CNTNAP2: variants seen among roughly 807,000 people sequenced by gnomAD.
CNTNAP2 encodes the protein contactin-associated protein-like 2.
In CNTNAP2, 98 loss-of-function variants were observed where a neutral mutation model predicts 155.2. The ratio of observed to expected loss-of-function variants is 0.63; its 90% CI spans 0.54 to 0.75. CNTNAP2 has a LOEUF of 0.75. Among genes scored for constraint, CNTNAP2 ranks in the 30% least tolerant of loss-of-function variants. The pLI is 0.00. For synonymous variants in CNTNAP2, 651 were observed against 631.2 expected, an observed-to-expected ratio of 1.03 and a Z score of -0.47; for missense variants, 1,727 against 1,688.1, an observed-to-expected ratio of 1.02 and a Z score of -0.40.
chr7:147,612,367 C>T (rs1416007719), intron 12 of CNTNAP2, among the ~76,000 whole-genome samples: 2 of 149,906 alleles, frequency 1.3e-5, no homozygotes, highest in Non-Finnish European at 3.0e-5. Flanking sequence ...AATATAATTT[C>T]AAATATAAAA....
chr7:147,470,680 TG>T (rs1357413371), intron 10 of CNTNAP2, among the ~76,000 whole-genome samples: 1 of 152,088 alleles, frequency 6.6e-6, no homozygotes, highest in Non-Finnish European at 1.5e-5. Context: ...GCCAGAAGAA[TG>T]GAGTGGCCAT....
chr7:146,210,619 T>C (rs1392203739), intron 1 of CNTNAP2, among the ~76,000 whole-genome samples: 1 of 152,152 alleles, frequency 6.6e-6, no homozygotes, highest in Admixed American at 6.5e-5. Flanking sequence ...ATACTGTTAA[T>C]ATAGTTTTCC....
At chr7:146,241,294 G>A (rs1469631007) in intron 1 of CNTNAP2, among the ~76,000 whole-genome samples, 1 of 152,176 alleles carries the variant, frequency 6.6e-6, no homozygotes, top group Non-Finnish European at 1.5e-5. Context: ...AAAATGAGGT[G>A]TGTCTAAAGA....
intron 11 of CNTNAP2, among the ~76,000 whole-genome samples, chr7:147,551,319 T>C (rs1799847720): frequency 6.6e-6 from 1 of 152,232 alleles, no homozygotes; most frequent in Non-Finnish European, 1.5e-5. Flanking sequence ...GCAGTTTCTA[T>C]GTGCCTAGAT....
chr7:148,227,067 A>G (rs1331813764), intron 19 of CNTNAP2, among the ~76,000 whole-genome samples: 1 of 152,180 alleles, frequency 6.6e-6, no homozygotes, highest in Non-Finnish European at 1.5e-5. Flanking sequence ...TGAATACAAA[A>G]GAGAATATGC....
intron 21 of CNTNAP2, among the ~76,000 whole-genome samples, chr7:148,379,281 C>T (rs1798998801): frequency 6.6e-6 from 1 of 152,088 alleles, no homozygotes; most frequent in Non-Finnish European, 1.5e-5. Flanking sequence ...TGATAGAAAA[C>T]TATAAGATAT....
intron 2 of CNTNAP2, among the ~76,000 whole-genome samples, chr7:146,805,289 A>G (rs949880968): frequency 1.3e-5 from 2 of 152,198 alleles, no homozygotes; most frequent in Non-Finnish European, 1.5e-5. Flanking sequence ...ATGATGAAAC[A>G]TGGAGAAATA....
At chr7:146,750,773 A>G (rs1801889303) in intron 1 of CNTNAP2, among the ~76,000 whole-genome samples, 1 of 152,138 alleles carries the variant, frequency 6.6e-6, no homozygotes, top group South Asian at 2.1e-4. Context: ...TTTTTGCCTT[A>G]TGAAATTTAC....
At chr7:148,142,093 C>CTGTGTGTGTGTGTGTGTGTGTGTGTGTG (rs71527881) in intron 16 of CNTNAP2, among the ~76,000 whole-genome samples, 1 of 136,328 alleles carries the variant, frequency 7.3e-6, no homozygotes, top group Non-Finnish European at 1.6e-5. Context: ...AGATATGTCT[C>CTGTGTGTGTGTGTGTGTGTGTGTGTGTG]TGTGTGTGTG....
chr7:148,358,945 G>A (rs866987425), intron 21 of CNTNAP2, among the ~76,000 whole-genome samples: 1 of 152,250 alleles, frequency 6.6e-6, no homozygotes, highest in South Asian at 2.1e-4. Flanking sequence ...AAAGCATGAG[G>A]ACTCCTTAGC....
At chr7:147,225,887 GA>G (rs1803525186) in intron 8 of CNTNAP2, among the ~76,000 whole-genome samples, 2 of 143,828 alleles carry the variant, frequency 1.4e-5, no homozygotes, top group Non-Finnish European at 3.0e-5. Flanking sequence ...AAGAAGGAAG[GA>G]AGGAAGGAAG....
intron 13 of CNTNAP2, among the ~76,000 whole-genome samples, chr7:147,724,527 A>C (rs917776694): frequency 6.6e-6 from 1 of 152,068 alleles, no homozygotes; most frequent in East Asian, 1.9e-4. Context: ...TGACAGCTAG[A>C]TTCAATTCCT....
At chr7:146,870,377 T>C (rs1209993967) in intron 3 of CNTNAP2, among the ~76,000 whole-genome samples, 1 of 152,144 alleles carries the variant, frequency 6.6e-6, no homozygotes, top group Non-Finnish European at 1.5e-5. Flanking sequence ...ACGGAAGTGA[T>C]CCCAGTAGTT....
chr7:146,941,270 T>C (rs1055573362), intron 3 of CNTNAP2, among the ~76,000 whole-genome samples: 3 of 152,148 alleles, frequency 2.0e-5, no homozygotes, highest in South Asian at 2.1e-4. Context: ...ATCAAAGTTA[T>C]TTGCTTTGTG....
At chr7:147,890,640 C>A (rs1479775696) in intron 13 of CNTNAP2, among the ~76,000 whole-genome samples, 2 of 152,164 alleles carry the variant, frequency 1.3e-5, no homozygotes, top group African/African-American at 4.8e-5. Flanking sequence ...GATTTAAACA[C>A]AGTGATTTCT....
At chr7:146,729,238 C>T (rs556951746) in intron 1 of CNTNAP2, among the ~76,000 whole-genome samples, 8 of 152,218 alleles carry the variant, frequency 5.3e-5, no homozygotes, top group African/African-American at 1.9e-4. Flanking sequence ...CTTAAAACAG[C>T]TGACCCATAC....
At chr7:146,254,575 G>A (rs6963300) in intron 1 of CNTNAP2, among the ~76,000 whole-genome samples, 3,809 of 152,268 alleles carry the variant, frequency 0.025, 153 homozygotes, top group African/African-American at 0.088. Context: ...AACGTTATTG[G>A]CAGAGACAGA....
intron 17 of CNTNAP2, among the ~76,000 whole-genome samples, chr7:148,171,703 G>A (rs2116690101): frequency 6.6e-6 from 1 of 152,296 alleles, no homozygotes; most frequent in East Asian, 1.9e-4. Context: ...CCAGCTTCCA[G>A]CTACCCCAGA....
intron 9 of CNTNAP2, among the ~76,000 whole-genome samples, chr7:147,371,276 T>C (rs1351961857): frequency 6.6e-6 from 1 of 152,152 alleles, no homozygotes; most frequent in Non-Finnish European, 1.5e-5. Flanking sequence ...TGTGGTTAAA[T>C]TTAAGCACTA....
Sources: allele counts gnomAD v4.1 joint callset (sites outside exome capture counted in the v4.1 genomes callset), GRCh38; gene constraint gnomAD v4.1.1; transcripts MANE v1.5; gene names NCBI Gene and HGNC (gene_info 2026-07-23, HGNC 2026-07-21).